CPQ: variants seen among roughly 807,000 people sequenced by gnomAD.
CPQ encodes carboxypeptidase Q.
In CPQ, 37 loss-of-function variants were observed where a neutral mutation model predicts 45.7. That is an observed-to-expected ratio of 0.81 (90% confidence interval 0.62 to 1.07). The LOEUF is 1.07. CPQ is among the 50% of genes least tolerant of loss of function. The probability of loss-of-function intolerance (pLI) is 0.00; values close to 1 mark genes in which losing one functional copy is unlikely to be tolerated. For missense variants in CPQ, 537 were observed against 572.9 expected (o/e 0.94, Z 0.64); for synonymous variants, 186 against 205.8 (o/e 0.90, Z 0.82).
chr8:96,913,045 A>C (rs768079242), intron 4 of CPQ, among the ~76,000 whole-genome samples: 5 of 152,132 alleles, frequency 3.3e-5, no homozygotes, highest in Admixed American at 2.0e-4. Flanking sequence ...AGCACCTGTC[A>C]ACCAACATCC....
At chr8:96,828,580 C>T (rs977587237) in intron 2 of CPQ, among the ~76,000 whole-genome samples, 4 of 151,976 alleles carry the variant, frequency 2.6e-5, no homozygotes, top group Non-Finnish European at 5.9e-5. Flanking sequence ...ATTGCCACAC[C>T]TGGATTTTCC....
At chr8:96,771,577 A>G (rs1271635529) in intron 1 of CPQ, among the ~76,000 whole-genome samples, 2 of 152,148 alleles carry the variant, frequency 1.3e-5, no homozygotes, top group African/African-American at 4.8e-5. Flanking sequence ...TTTGCAGGGT[A>G]GTATGTTAGG....
chr8:96,685,145 GAGTT>G (rs1809209895), intron 1 of CPQ, among the ~76,000 whole-genome samples: 1 of 41,090 alleles, frequency 2.4e-5, no homozygotes, highest in Non-Finnish European at 6.4e-5. Context: ...ACAAAAAACA[GAGTT>G]AGCTCAGTGT....
intron 3 of CPQ, among the ~76,000 whole-genome samples, chr8:96,849,392 G>A (rs1175364033): frequency 1.3e-5 from 2 of 152,228 alleles, no homozygotes; most frequent in Admixed American, 1.3e-4. Context: ...ACTGCCAGAT[G>A]TTGCAGGATG....
At chr8:97,076,836 G>C (rs944385759) in intron 7 of CPQ, among the ~76,000 whole-genome samples, 3 of 152,166 alleles carry the variant, frequency 2.0e-5, no homozygotes, top group South Asian at 2.1e-4. Flanking sequence ...TTGAACAACA[G>C]GGAGTTTAGG....
At chr8:96,858,219 T>C (rs547968492) in intron 3 of CPQ, among the ~76,000 whole-genome samples, 4 of 152,126 alleles carry the variant, frequency 2.6e-5, no homozygotes, top group Non-Finnish European at 5.9e-5. Context: ...TAATACTTCC[T>C]GGGGGGAATC....
At chr8:96,987,619 AC>A (rs1809011955) in intron 5 of CPQ, among the ~76,000 whole-genome samples, 1 of 152,162 alleles carries the variant, frequency 6.6e-6, no homozygotes, top group Non-Finnish European at 1.5e-5. Flanking sequence ...CTGAGTTTCA[AC>A]CTTTGTTAAT....
At chr8:96,687,516 AT>A (rs1465512968) in intron 1 of CPQ, among the ~76,000 whole-genome samples, 5 of 151,824 alleles carry the variant, frequency 3.3e-5, no homozygotes, top group Non-Finnish European at 2.9e-5. Flanking sequence ...GCCACATGCC[AT>A]TTTTCTAATT....
intron 1 of CPQ, among the ~76,000 whole-genome samples, chr8:96,718,504 C>T (rs1461232994): frequency 1.3e-5 from 2 of 152,154 alleles, no homozygotes; most frequent in African/African-American, 4.8e-5. Context: ...AGGAGTGAAG[C>T]TGCAGACCTT....
intron 7 of CPQ, among the ~76,000 whole-genome samples, chr8:97,096,923 G>A (rs2513362): frequency 0.77 from 117,958 of 152,218 alleles, 45,822 homozygotes; most frequent in African/African-American, 0.8. Context: ...CCTTCTGTCC[G>A]TACCTATTTC....
chr8:97,094,886 A>C (rs1263061343), intron 7 of CPQ, among the ~76,000 whole-genome samples: 1 of 152,006 alleles, frequency 6.6e-6, no homozygotes, highest in African/African-American at 2.4e-5. Context: ...GGAACTGTCC[A>C]CCAGGATTAC....
At chr8:97,086,719 T>C (rs1005348322) in intron 7 of CPQ, among the ~76,000 whole-genome samples, 1 of 152,180 alleles carries the variant, frequency 6.6e-6, no homozygotes, top group Admixed American at 6.5e-5. Flanking sequence ...CCTCTTCAGT[T>C]TCTGCTTTGT....
At chr8:96,878,915 C>T (rs115488353) in intron 3 of CPQ, among the ~76,000 whole-genome samples, 3,145 of 152,248 alleles carry the variant, frequency 0.021, 115 homozygotes, top group African/African-American at 0.072. Context: ...GACTGTGGCA[C>T]GCACTTGGAA....
chr8:96,960,002 T>A (rs1813429415), intron 4 of CPQ, among the ~76,000 whole-genome samples: 1 of 152,108 alleles, frequency 6.6e-6, no homozygotes, highest in South Asian at 2.1e-4. Context: ...GGCCTGTTGT[T>A]TACTGACAAT....
At chr8:96,815,316 A>T (rs1811213900) in intron 2 of CPQ, among the ~76,000 whole-genome samples, 1 of 152,120 alleles carries the variant, frequency 6.6e-6, no homozygotes. Flanking sequence ...TTGGTTATCA[A>T]ATGTACACAA....
intron 4 of CPQ, among the ~76,000 whole-genome samples, chr8:96,944,922 A>G (rs985010258): frequency 2.0e-5 from 3 of 152,152 alleles, no homozygotes; most frequent in African/African-American, 7.2e-5. Flanking sequence ...GTATTAAAAA[A>G]AACTCCCTTT....
At position 97,066,007 on chromosome 8, in the gene CPQ, A is replaced by C. The variant is rs1430560416; in HGVS notation, c.1054-2A>C. The C allele has an allele frequency of 1.2e-6, 2 of 1,609,776 alleles. No individual in the cohort carries two copies. Among genetic ancestry groups the C allele is most frequent in the African/African-American group, 2.7e-5 (2 of 74,716 alleles). On this transcript the variant is annotated splice_acceptor_variant, in intron 6 of 7. Transcript: ENST00000220763. LOFTEE classifies it high-confidence loss of function. ...AACCAAACAATTTTCTCTTGTGTTTAGGTAAATATTTCCAACTACAGTCTG... is the reference window on the plus strand; with the variant it reads ...AACCAAACAATTTTCTCTTGTGTTTCGGTAAATATTTCCAACTACAGTCTG...
chr8:96,997,830 C>T (rs1282617522), intron 5 of CPQ, among the ~76,000 whole-genome samples: 2 of 151,968 alleles, frequency 1.3e-5, no homozygotes, highest in Non-Finnish European at 2.9e-5. Flanking sequence ...AATATTAAGT[C>T]TTAAGCTCTT....
intron 1 of CPQ, among the ~76,000 whole-genome samples, chr8:96,741,649 C>T (rs201332950): frequency 3.8e-4 from 58 of 152,082 alleles, no homozygotes; most frequent in East Asian, 7.8e-4. Flanking sequence ...GCTTTGGATG[C>T]GTCCCAGAGA....
Sources: allele counts gnomAD v4.1 joint callset (sites outside exome capture counted in the v4.1 genomes callset), GRCh38; gene constraint gnomAD v4.1.1; transcripts MANE v1.5; gene names NCBI Gene and HGNC (gene_info 2026-07-23, HGNC 2026-07-21).